USP6NL: variants seen among roughly 807,000 people sequenced by gnomAD.
The protein encoded by USP6NL is USP6 N-terminal-like protein.
USP6NL carries 26 observed loss-of-function variants against 61.9 expected under a neutral mutation model. The observed-to-expected ratio is 0.42, with a 90% CI of 0.31 to 0.58. The LOEUF (loss-of-function observed/expected upper bound fraction) is 0.58, where lower values mean the gene tolerates loss of function less well. Ranked by LOEUF, USP6NL falls within the 20% of genes least tolerant of loss-of-function variation. The pLI is 0.16. For missense variants in USP6NL, 1,114 were observed against 1,034.3 expected (o/e 1.08, Z -1.06); for synonymous variants, 432 against 390.1 (o/e 1.11, Z -1.27).
Position 11,476,450 on chromosome 10 carries a change from T to C in USP6NL, c.1078+5320A>G, listed in dbSNP as rs1239250871. ...TTATACATTTCCTTACTTCTGAATA[T>C]GTTTGAAAAGTTTCACAATAAAAAA... On this transcript the variant is annotated intron_variant, in intron 14 of 14. Coordinates refer to ENST00000609104, the MANE Select transcript of USP6NL (RefSeq NM_014688.5). The surrounding 1 kb of genome is among the most constrained non-coding windows in gnomAD (Gnocchi z 4.3). Among the ~76,000 whole-genome samples the C allele has an allele frequency of 1.3e-5, 2 of 152,226 alleles. No homozygotes were observed. Among genetic ancestry groups the C allele is most frequent in the Admixed American group, 6.5e-5 (1 of 15,280 alleles).
intron 2 of USP6NL, among the ~76,000 whole-genome samples, chr10:11,544,189 T>C (rs1836184931): frequency 6.6e-6 from 1 of 152,076 alleles, no homozygotes; most frequent in East Asian, 1.9e-4. Context: ...AAACACAATG[T>C]TCAATCAGAC....
rs112550977 is a variant in USP6NL, at chr10:11,592,138, T to C, written c.4+5493A>G. Among the ~76,000 whole-genome samples, 81 of 152,284 alleles carry C rather than the reference T, an allele frequency of 5.3e-4. No individual in the cohort carries two copies. The highest frequency in any genetic ancestry group is 1.8e-3 in the African/African-American group (75 of 41,564). ...CTGGCCACCTCAGCCTCCCAAAGTA[T>C]TGGCATTACAGCCGTGAGCCACCAC... On this transcript the variant is annotated intron_variant, in intron 2 of 14. Transcript: ENST00000609104. The surrounding 1 kb of genome is among the most constrained non-coding windows in gnomAD (Gnocchi z 4.7).
chr10:11,584,791 G>A (rs1253743945), intron 2 of USP6NL, among the ~76,000 whole-genome samples: 1 of 151,800 alleles, frequency 6.6e-6, no homozygotes, highest in East Asian at 1.9e-4. Context: ...TACAAAAATT[G>A]GCCAGGCGTG....
intron 14 of USP6NL, among the ~76,000 whole-genome samples, chr10:11,473,036 A>G (rs1163684518): frequency 3.9e-5 from 6 of 152,250 alleles, no homozygotes; most frequent in Non-Finnish European, 8.8e-5. Flanking sequence ...AATAAATAAA[A>G]GTGAAAACCC....
intron 6 of USP6NL, among the ~76,000 whole-genome samples, chr10:11,506,646 CA>C (rs201036211): frequency 6.9e-6 from 1 of 145,358 alleles, no homozygotes; most frequent in Non-Finnish European, 1.5e-5. Context: ...CCGTGTCTCT[CA>C]AAAAAAAACA....
At position 11,470,870 on chromosome 10, in the gene USP6NL, T is replaced by C. The variant is rs1290969548; in HGVS notation, c.1079-7021A>G. 1.3e-5 allele frequency among the ~76,000 whole-genome samples: 2 copies of C among 152,228 alleles called. No individual in the cohort carries two copies. The highest frequency in any genetic ancestry group is 4.8e-5 in the African/African-American group (2 of 41,464). ...CAGTCTCATGCCTAAAATTTTATTT[T>C]CCCTTTCCTCTCCCTAAAAACACAG... On this transcript the variant is annotated intron_variant, in intron 14 of 14. Coordinates refer to ENST00000609104, the MANE Select transcript of USP6NL (RefSeq NM_014688.5). This position sits in a 1 kb window ranked among gnomAD's most constrained non-coding sequence, Gnocchi z 5.4.
chr10:11,507,530 CT>C (rs1834504159), intron 6 of USP6NL, among the ~76,000 whole-genome samples: 1 of 152,128 alleles, frequency 6.6e-6, no homozygotes, highest in Admixed American at 6.6e-5. Context: ...ATTTAGTATG[CT>C]CAAAAAGAAA....
At position 11,490,768 on chromosome 10, in the gene USP6NL, C is replaced by G. The variant is rs966493382; in HGVS notation, c.543+64G>C. 3.4e-6 allele frequency: 5 copies of G among 1,490,384 alleles called. No homozygotes were observed. Among genetic ancestry groups the G allele is most frequent in the Non-Finnish European group, 3.6e-6 (4 of 1,103,706 alleles). The allele number at this position is 1,490,384 out of a possible 1,614,324, so 92.3% of individuals were successfully genotyped here. On this transcript the variant is annotated intron_variant, in intron 9 of 14. Transcript: ENST00000609104. The surrounding 1 kb of genome is among the most constrained non-coding windows in gnomAD (Gnocchi z 4.5). ...GATGCAGAAATGTGCCCACAGGGCC[C>G]TGCTAAGTAGGGAGTACCTCAGAAT... is the stretch of plus-strand genomic sequence containing the variant.
rs983903960 is a variant in USP6NL at position 11,500,980 on chromosome 10, T to A, written c.384+121A>T. ...ACAAATAGACCTCCAAAACCTCCAA[T>A]GCGATAGAATTTTAATATAATTTTA... On this transcript the variant is annotated intron_variant, in intron 7 of 14. Transcript: ENST00000609104. 8.1e-6 allele frequency: 6 copies of A among 742,976 alleles called. No homozygotes were observed. The South Asian group carries it at 2.4e-4, about 30-fold the overall frequency. The allele number at this position is 742,976 out of a possible 1,614,324, so 46.0% of individuals were successfully genotyped here.
At chr10:11,606,874 T>A (rs1467135580) in intron 1 of USP6NL, among the ~76,000 whole-genome samples, 1 of 151,146 alleles carries the variant, frequency 6.6e-6, no homozygotes, top group East Asian at 1.9e-4. Context: ...CAGTGCAACC[T>A]CCATCTCTCG....
Position 11,513,621 on chromosome 10 carries a change from A to G in USP6NL, c.196-3946T>C, listed in dbSNP as rs1196770936. Reference sequence around the variant, plus strand: ...AGGTTTTTAGGGGGAACTGATCATTAGACAATCACGACATGAATAGTTCAT... The same window carrying G: ...AGGTTTTTAGGGGGAACTGATCATTGGACAATCACGACATGAATAGTTCAT... On this transcript the variant is annotated intron_variant, in intron 5 of 14. Transcript: ENST00000609104. The surrounding 1 kb of genome is among the most constrained non-coding windows in gnomAD (Gnocchi z 4.7). Among the ~76,000 whole-genome samples, 1 of 152,252 alleles carries G rather than the reference A, an allele frequency of 6.6e-6. No homozygotes were observed. The highest frequency in any genetic ancestry group is 1.5e-5 in the Non-Finnish European group (1 of 68,040).
chr10:11,577,272 G>A (rs1837584210), intron 2 of USP6NL, among the ~76,000 whole-genome samples: 1 of 151,958 alleles, frequency 6.6e-6, no homozygotes, highest in African/African-American at 2.4e-5. Context: ...CACCATGTTA[G>A]CCAGGATGGT....
rs982661050 is a variant in USP6NL at position 11,569,863 on chromosome 10, G to A, written c.4+27768C>T. ...GAGTTAAATGATCATGCTTCTTCTC[G>A]CCTCCTCCCCCTATCACCCTAAGAG... On this transcript the variant is annotated intron_variant, in intron 2 of 14. Coordinates refer to ENST00000609104, the MANE Select transcript of USP6NL (RefSeq NM_014688.5). Among the ~76,000 whole-genome samples, 7 of 152,072 alleles carry A rather than the reference G, an allele frequency of 4.6e-5. No homozygotes were observed. In the South Asian group the frequency reaches 6.2e-4, roughly 14 times the overall value.
chr10:11,499,568 C>A lies in USP6NL; in HGVS notation c.384+1533G>T, dbSNP rs1834085620. Reference sequence around the variant, plus strand: ...GAGGTCATCCTGGATGAGGGTGGACCCTACATGCAATAACTATTGTCCCTA... The same window carrying A: ...GAGGTCATCCTGGATGAGGGTGGACACTACATGCAATAACTATTGTCCCTA... On this transcript the variant is annotated intron_variant, in intron 7 of 14. Coordinates refer to ENST00000609104, the MANE Select transcript of USP6NL (RefSeq NM_014688.5). This position sits in a 1 kb window ranked among gnomAD's most constrained non-coding sequence, Gnocchi z 4.5. 6.6e-6 allele frequency among the ~76,000 whole-genome samples: 1 copy of A among 151,984 alleles called. No individual in the cohort carries two copies. Among genetic ancestry groups the A allele is most frequent in the South Asian group, 2.1e-4 (1 of 4,816 alleles).
intron 2 of USP6NL, among the ~76,000 whole-genome samples, chr10:11,571,667 T>C (rs1384695159): frequency 6.6e-6 from 1 of 151,888 alleles, no homozygotes; most frequent in Non-Finnish European, 1.5e-5. Flanking sequence ...TTAAATTCTC[T>C]TCTTAGGGGT....
At chr10:11,498,546 T>C (rs1191784120) in intron 7 of USP6NL, among the ~76,000 whole-genome samples, 4 of 151,950 alleles carry the variant, frequency 2.6e-5, no homozygotes, top group Non-Finnish European at 5.9e-5. Context: ...ATAAATATAA[T>C]AAGGACAAAA....
At chr10:11,500,393 A>G (rs1319997543) in intron 7 of USP6NL, among the ~76,000 whole-genome samples, 1 of 152,144 alleles carries the variant, frequency 6.6e-6, no homozygotes, top group South Asian at 2.1e-4. Flanking sequence ...ATTCCACATT[A>G]ATTTTTTTGT....
intron 2 of USP6NL, chr10:11,565,557 G>A: frequency 6.6e-6 from 1 of 152,084 alleles, no homozygotes; most frequent in East Asian, 1.9e-4. Flanking sequence ...CAGGAGAATG[G>A]TGTCAACCTA....
rs1838015427 is a variant in USP6NL at position 11,587,474 on chromosome 10, T to C, written c.4+10157A>G. 6.6e-6 allele frequency among the ~76,000 whole-genome samples: 1 copy of C among 152,172 alleles called. No individual in the cohort carries two copies. Among genetic ancestry groups the C allele is most frequent in the Non-Finnish European group, 1.5e-5 (1 of 68,024 alleles). ...AGTATCCTGACATTTCATATTAAAATCTAATATGACCCATAAATCTCTACA... is the reference window on the plus strand; with the variant it reads ...AGTATCCTGACATTTCATATTAAAACCTAATATGACCCATAAATCTCTACA... On this transcript the variant is annotated intron_variant, in intron 2 of 14. Coordinates refer to ENST00000609104, the MANE Select transcript of USP6NL (RefSeq NM_014688.5). This position sits in a 1 kb window ranked among gnomAD's most constrained non-coding sequence, Gnocchi z 4.5.
Sources: gnomAD v4.1 joint callset for allele counts (sites outside exome capture counted in the v4.1 genomes callset) on GRCh38, gnomAD v4.1.1 for gene constraint, Gnocchi (gnomAD v3.1) non-coding constraint, MANE v1.5 for transcripts, NCBI Gene and HGNC (gene_info 2026-07-23, HGNC 2026-07-21) for gene names.